The following IWS1 variants were observed in gnomAD, a reference collection of about 807,000 sequenced individuals.
The protein encoded by IWS1 is protein IWS1 homolog.
In IWS1, 27 loss-of-function variants were observed where a neutral mutation model predicts 86.7. The observed-to-expected ratio is 0.31, with a 90% CI of 0.23 to 0.43. The LOEUF (loss-of-function observed/expected upper bound fraction) is 0.43, where lower values mean the gene tolerates loss of function less well. Among genes scored for constraint, IWS1 ranks in the 20% least tolerant of loss-of-function variants. IWS1 has a pLI of 1.00. For synonymous variants in IWS1, 313 were observed against 335.1 expected, an observed-to-expected ratio of 0.93 and a Z score of 0.72; for missense variants, 827 against 1,000.8, an observed-to-expected ratio of 0.83 and a Z score of 2.34.
chr2:127,492,541 C>T (rs1008846757), intron 9 of IWS1, among the ~76,000 whole-genome samples: 1 of 66,986 alleles, frequency 1.5e-5, no homozygotes. Flanking sequence ...AGCAAAACTC[C>T]GTCTCAAAAA....
At chr2:127,521,787 T>C (rs1314148432) in intron 2 of IWS1, among the ~76,000 whole-genome samples, 1 of 152,188 alleles carries the variant, frequency 6.6e-6, no homozygotes, top group Non-Finnish European at 1.5e-5. Flanking sequence ...CAGTCTGTGA[T>C]TTCCAAATTT....
At chr2:127,508,909 C>T (rs566090416) in intron 2 of IWS1, among the ~76,000 whole-genome samples, 2 of 152,290 alleles carry the variant, frequency 1.3e-5, no homozygotes, top group East Asian at 1.9e-4. Flanking sequence ...AAAACTCACC[C>T]GCTACACTCT....
intron 2 of IWS1, among the ~76,000 whole-genome samples, chr2:127,522,863 T>G (rs925571002): frequency 1.3e-5 from 2 of 152,214 alleles, no homozygotes; most frequent in African/African-American, 2.4e-5. Flanking sequence ...TACGTTAAAA[T>G]GTACACAAAA....
At chr2:127,512,455 A>T (rs1242267221) in intron 2 of IWS1, among the ~76,000 whole-genome samples, 4 of 152,224 alleles carry the variant, frequency 2.6e-5, no homozygotes, top group Non-Finnish European at 4.4e-5. Context: ...TCCTACCACA[A>T]AAGGTGTGAA....
intron 12 of IWS1, among the ~76,000 whole-genome samples, chr2:127,488,567 C>G (rs1302640588): frequency 6.6e-6 from 1 of 152,210 alleles, no homozygotes; most frequent in African/African-American, 2.4e-5. Flanking sequence ...CTCTGTTTAG[C>G]TGTATCACTG....
intron 3 of IWS1, among the ~76,000 whole-genome samples, chr2:127,503,937 T>C (rs1489289505): frequency 6.6e-6 from 1 of 152,170 alleles, no homozygotes; most frequent in Non-Finnish European, 1.5e-5. Context: ...TGCCTAGTAG[T>C]AACTGAACTA....
rs368651104 is a variant in IWS1 at position 127,505,088 on chromosome 2, C to T, written c.815G>A (p.Arg272Gln). 2.1e-5 allele frequency: 34 copies of T among 1,611,184 alleles called. No homozygotes were observed. In the African/African-American group the frequency reaches 3.4e-4, roughly 16 times the overall value. ...ATCCTCACTTTCCGAATCACTGATTCGGGGTTTGGGAAGCTCTTCATTTTC... is the reference window on the plus strand; with the variant it reads ...ATCCTCACTTTCCGAATCACTGATTTGGGGTTTGGGAAGCTCTTCATTTTC... ...DSENEELPKP[R>Q]ISDSESEDPP... Residue 272 changes from arginine to glutamine, a missense_variant, in exon 3 of 14, where the codon CGA (arginine) becomes CAA (glutamine). Arg to Gln is a conservative substitution (Grantham distance 43, BLOSUM62 1). Transcript: ENST00000295321. The surrounding 1 kb of genome is among the most constrained non-coding windows in gnomAD (Gnocchi z 5.0).
At chr2:127,516,050 G>T (rs1691754447) in intron 2 of IWS1, among the ~76,000 whole-genome samples, 1 of 152,130 alleles carries the variant, frequency 6.6e-6, no homozygotes, top group South Asian at 2.1e-4. Flanking sequence ...TCACCCTTGG[G>T]CCGGCTTGTG....
intron 1 of IWS1, among the ~76,000 whole-genome samples, chr2:127,525,502 G>C (rs1003299888): frequency 1.3e-5 from 2 of 152,162 alleles, no homozygotes; most frequent in African/African-American, 2.4e-5. Context: ...AGCACACAAA[G>C]GGAAAGCAAA....
At chr2:127,484,916 G>A (rs1326483050) in intron 13 of IWS1, among the ~76,000 whole-genome samples, 1 of 152,104 alleles carries the variant, frequency 6.6e-6, no homozygotes, top group Non-Finnish European at 1.5e-5. Context: ...AGAATGGTGT[G>A]AACCCAGGAG....
At chr2:127,520,713 A>G (rs1186261318) in intron 2 of IWS1, among the ~76,000 whole-genome samples, 1 of 152,210 alleles carries the variant, frequency 6.6e-6, no homozygotes, top group Non-Finnish European at 1.5e-5. Flanking sequence ...CTTAGTCTCT[A>G]ATCTCGTTAA....
At chr2:127,502,655 G>A (rs1000567399) in intron 5 of IWS1, 160 bp downstream of exon 5, 8 of 448,898 alleles carry the variant, frequency 1.8e-5, no homozygotes, top group African/African-American at 4.0e-5. Context: ...TTGTATATAC[G>A]CTTTCATTTT....
intron 12 of IWS1, among the ~76,000 whole-genome samples, chr2:127,487,630 G>C (rs905288232): frequency 6.6e-6 from 1 of 152,046 alleles, no homozygotes; most frequent in Non-Finnish European, 1.5e-5. Context: ...AGCTCACCGC[G>C]AGCTCCACCT....
chr2:127,493,230 C>T (rs750739379), intron 9 of IWS1, 51 bp downstream of exon 9: 10 of 1,546,954 alleles, frequency 6.5e-6, no homozygotes, highest in East Asian at 2.3e-5. Flanking sequence ...TATGACCATA[C>T]AGACCACATT....
chr2:127,482,687 C>G (rs936072704), intron 13 of IWS1: 106 of 152,204 alleles, frequency 7.0e-4, no homozygotes, highest in African/African-American at 2.4e-3. Context: ...TGTCTAGCCT[C>G]AGCAATCAGG....
chr2:127,503,618 G>A, intron 3 of IWS1, 42 bp from the exon 4 acceptor site: 5 of 1,482,298 alleles, frequency 3.4e-6, no homozygotes, highest in Non-Finnish European at 3.6e-6. Context: ...TTTTATCACA[G>A]CCATTGTATT....
chr2:127,504,795 G>A lies in IWS1; in HGVS notation c.1108C>T (p.His370Tyr). 1.9e-6 allele frequency: 3 copies of A among 1,612,878 alleles called. No individual in the cohort carries two copies. The highest frequency in any genetic ancestry group is 1.7e-6 in the Non-Finnish European group (2 of 1,179,660). The change falls in exon 3 of 14, where the codon CAC becomes TAC. Residue 370 changes from histidine (H) to tyrosine (Y), a missense_variant. By Grantham distance (83) the His-to-Tyr change is moderately conservative (BLOSUM62 2). Transcript: ENST00000295321. ...FHSSDSEEEE[H>Y]KKQKMDSDED... ...TCACTGTCCATTTTTTGCTTTTTGT[G>A]TTCTTCCTCCTCACTATCAGAACTG...
At chr2:127,484,217 C>G (rs778330056) in intron 13 of IWS1, among the ~76,000 whole-genome samples, 1 of 152,092 alleles carries the variant, frequency 6.6e-6, no homozygotes, top group African/African-American at 2.4e-5. Flanking sequence ...GAGGCTGAGG[C>G]GGGAGAATGG....
chr2:127,509,572 G>C (rs1023622075), intron 2 of IWS1, among the ~76,000 whole-genome samples: 24 of 151,978 alleles, frequency 1.6e-4, no homozygotes, highest in African/African-American at 5.6e-4. Context: ...GCTGAGTGTG[G>C]TGGCGCACTC....
Sources: gnomAD v4.1 joint callset for allele counts (sites outside exome capture counted in the v4.1 genomes callset) on GRCh38, gnomAD v4.1.1 for gene constraint, Gnocchi (gnomAD v3.1) non-coding constraint, MANE v1.5 for transcripts, NCBI Gene and HGNC (gene_info 2026-07-23, HGNC 2026-07-21) for gene names.